Variants in ATP11B observed in about 807,000 individuals in gnomAD.
ATP11B encodes the protein ATPase phospholipid transporting 11B (putative).
A neutral mutation model predicts 157.8 loss-of-function variants in ATP11B; 81 were observed. That is an observed-to-expected ratio of 0.51 (90% CI 0.43 to 0.62). The LOEUF is 0.62. Among genes scored for constraint, ATP11B ranks in the 20% least tolerant of loss-of-function variants. The pLI is 0.00. For synonymous variants in ATP11B, 451 were observed against 469.4 expected, an observed-to-expected ratio of 0.96 and a Z score of 0.51; for missense variants, 1,165 against 1,402.2, an observed-to-expected ratio of 0.83 and a Z score of 2.70.
At chr3:182,899,789 G>T (rs1164853685) in intron 28 of ATP11B, among the ~76,000 whole-genome samples, 1 of 152,128 alleles carries the variant, frequency 6.6e-6, no homozygotes, top group Admixed American at 6.5e-5. Context: ...CTTAGTAGGT[G>T]CTCAAGGATA....
intron 2 of ATP11B, among the ~76,000 whole-genome samples, chr3:182,821,646 C>CTT (rs1717354529): frequency 6.6e-6 from 1 of 152,230 alleles, no homozygotes; most frequent in South Asian, 2.1e-4. Flanking sequence ...ATATGATGGC[C>CTT]AATAAATTAT....
At chr3:182,809,790 ATC>A (rs1716541047) in intron 1 of ATP11B, among the ~76,000 whole-genome samples, 2 of 152,264 alleles carry the variant, frequency 1.3e-5, no homozygotes, top group African/African-American at 4.8e-5. Context: ...CTAAGATTTC[ATC>A]AATTCCATAT....
chr3:182,871,768 A>G (rs1345260940), intron 17 of ATP11B, among the ~76,000 whole-genome samples: 1 of 152,168 alleles, frequency 6.6e-6, no homozygotes, highest in East Asian at 1.9e-4. Context: ...TTTATGATCT[A>G]TTCTAGGCTC....
intron 24 of ATP11B, among the ~76,000 whole-genome samples, chr3:182,887,938 A>G (rs1321009177): frequency 6.6e-6 from 1 of 152,214 alleles, no homozygotes; most frequent in Non-Finnish European, 1.5e-5. Flanking sequence ...CTGGGAATGC[A>G]CTGGGCAGTT....
chr3:182,875,959 T>C (rs1399528243), intron 19 of ATP11B, among the ~76,000 whole-genome samples: 1 of 152,192 alleles, frequency 6.6e-6, no homozygotes, highest in Admixed American at 6.5e-5. Context: ...TTAAATATTT[T>C]TTTCTGGCTG....
intron 18 of ATP11B, among the ~76,000 whole-genome samples, chr3:182,873,219 T>C (rs1439415854): frequency 6.6e-6 from 1 of 152,248 alleles, no homozygotes; most frequent in Non-Finnish European, 1.5e-5. Context: ...AATGTCTGTT[T>C]CACAGTTTCT....
intron 24 of ATP11B, among the ~76,000 whole-genome samples, chr3:182,888,442 A>T (rs937268335): frequency 6.6e-6 from 1 of 152,226 alleles, no homozygotes; most frequent in Non-Finnish European, 1.5e-5. Flanking sequence ...TGGCAGAGTG[A>T]CTGAATGTTA....
chr3:182,852,191 CAAAG>C (rs946625948), intron 10 of ATP11B, among the ~76,000 whole-genome samples: 1 of 152,142 alleles, frequency 6.6e-6, no homozygotes, highest in African/African-American at 2.4e-5. Flanking sequence ...GGAGAAATCA[CAAAG>C]GAAATTTAAA....
intron 1 of ATP11B, among the ~76,000 whole-genome samples, chr3:182,809,281 G>T (rs1716510034): frequency 6.6e-6 from 1 of 150,568 alleles, no homozygotes; most frequent in Non-Finnish European, 1.5e-5. Flanking sequence ...CAGACTTTTG[G>T]TCTGTCGCCC....
chr3:182,866,040 G>T (rs1354150983), intron 13 of ATP11B, among the ~76,000 whole-genome samples: 1 of 152,136 alleles, frequency 6.6e-6, no homozygotes, highest in Non-Finnish European at 1.5e-5. Flanking sequence ...ATAAAAAAGT[G>T]TTCCCCTCTA....
chr3:182,882,522 A>G (rs774444802), intron 21 of ATP11B, among the ~76,000 whole-genome samples: 2 of 152,096 alleles, frequency 1.3e-5, no homozygotes, highest in African/African-American at 2.4e-5. Flanking sequence ...AAAAAAGAGA[A>G]GTTGAGTCTC....
intron 25 of ATP11B, 91 bp downstream of exon 25, chr3:182,889,639 C>A: frequency 1.7e-6 from 2 of 1,150,130 alleles, no homozygotes; most frequent in Non-Finnish European, 2.4e-6. Flanking sequence ...ATTTAAATTA[C>A]AGAACTTCAA....
At chr3:182,805,987 A>T (rs892097674) in intron 1 of ATP11B, among the ~76,000 whole-genome samples, 35 of 151,982 alleles carry the variant, frequency 2.3e-4, no homozygotes, top group African/African-American at 7.7e-4. Context: ...GATATCTTTT[A>T]CTCATTATTG....
Position 182,828,189 on chromosome 3 carries a change from C to T in ATP11B, c.214C>T (p.Leu72Phe). 2.7e-6 allele frequency: 4 copies of T among 1,487,624 alleles called. No homozygotes were observed. The highest frequency in any genetic ancestry group is 1.4e-5 in the South Asian group (1 of 73,494). 92.2% of individuals were successfully genotyped at this position (1,487,624 alleles called of 1,614,324 possible). A position where few individuals can be genotyped will look rare whatever the true frequency, so the allele number is the denominator to read the frequency against. The change falls in exon 3 of 30, where the codon CTT becomes TTT. Residue 72 changes from leucine (L) to phenylalanine (F), a missense_variant. Physicochemically the swap from Leu to Phe is conservative, Grantham distance 22. This residue lies in a region of ATP11B where 91 missense variants were observed against 95.8 expected (regional missense o/e 0.95). Coordinates refer to ENST00000323116, the MANE Select transcript of ATP11B (RefSeq NM_014616.3). Reference protein sequence around the residue: ...QFRRVANFYFLIIFLVQLMID... With the variant: ...QFRRVANFYFFIIFLVQLMID... ...CAGAAGAGTGGCAAACTTTTATTTT[C>T]TTATTATATTTTTGGTTCAGGTAAG...
At chr3:182,846,416 G>C (rs1189465190) in intron 9 of ATP11B, among the ~76,000 whole-genome samples, 2 of 152,100 alleles carry the variant, frequency 1.3e-5, no homozygotes, top group East Asian at 3.9e-4. Context: ...AATAGTTTTG[G>C]CAGTTCTTCA....
At chr3:182,869,173 G>A in intron 16 of ATP11B, 22 bp downstream of exon 16, 2 of 1,600,690 alleles carry the variant, frequency 1.2e-6, no homozygotes, top group Non-Finnish European at 1.7e-6. Context: ...AAACTTTCAT[G>A]AATTTTTATT....
chr3:182,837,207 G>T (rs1176308822), intron 7 of ATP11B, 33 bp downstream of exon 7: 2 of 1,447,914 alleles, frequency 1.4e-6, no homozygotes, highest in African/African-American at 2.8e-5. Context: ...CTTATTTTAA[G>T]TCCTATTTAC....
intron 1 of ATP11B, among the ~76,000 whole-genome samples, chr3:182,812,010 C>G (rs2108491625): frequency 6.6e-6 from 1 of 152,274 alleles, no homozygotes; most frequent in Middle Eastern, 3.4e-3. Context: ...AATTGCATAT[C>G]TTCCATCCAC....
At chr3:182,819,369 C>A (rs929616680) in intron 1 of ATP11B, among the ~76,000 whole-genome samples, 6 of 152,134 alleles carry the variant, frequency 3.9e-5, no homozygotes, top group African/African-American at 1.4e-4. Flanking sequence ...GCGCGCCCGG[C>A]GTCTTTTTTC....
Sources: allele counts gnomAD v4.1 joint callset (sites outside exome capture counted in the v4.1 genomes callset), GRCh38; gene constraint gnomAD v4.1.1; regional missense constraint gnomAD v4.1.1; transcripts MANE v1.5; gene names NCBI Gene and HGNC (gene_info 2026-07-23, HGNC 2026-07-21).